Variants in HYDIN observed in about 807,000 individuals in gnomAD.
HYDIN encodes the protein axonemal central pair apparatus protein HYDIN.
HYDIN carries 132 observed loss-of-function variants against 403.9 expected under a neutral mutation model. The ratio of observed to expected loss-of-function variants is 0.33; its 90% CI spans 0.28 to 0.38. The LOEUF is 0.38. Ranked by LOEUF, HYDIN falls within the 10% of genes least tolerant of loss-of-function variation. The pLI, the probability that HYDIN is intolerant of heterozygous loss-of-function variation, is 1.00. For synonymous variants in HYDIN, 1,202 were observed against 1,891.7 expected (o/e 0.64, Z 9.46); for missense variants, 2,827 against 5,009.5 (o/e 0.56, Z 13.15).
At chr16:71,212,717 A>G (rs1420542815) in intron 1 of HYDIN, among the ~76,000 whole-genome samples, 3 of 151,530 alleles carry the variant, frequency 2.0e-5, no homozygotes, top group African/African-American at 4.9e-5. Flanking sequence ...CAAAGATCTG[A>G]TATCACTGAA....
chr16:71,087,018 A>G (rs1407336816), intron 12 of HYDIN, among the ~76,000 whole-genome samples: 1 of 151,244 alleles, frequency 6.6e-6, no homozygotes, highest in Non-Finnish European at 1.5e-5. Flanking sequence ...TTATTCAAAT[A>G]TTTGGAAAAC....
At chr16:71,102,037 C>A (rs1390589776) in intron 10 of HYDIN, among the ~76,000 whole-genome samples, 2 of 151,908 alleles carry the variant, frequency 1.3e-5, no homozygotes, top group Non-Finnish European at 2.9e-5. Flanking sequence ...GAGTGAATCT[C>A]AGCAAAACAA....
chr16:71,009,610 G>A (rs1389000489), intron 23 of HYDIN, among the ~76,000 whole-genome samples: 1 of 152,018 alleles, frequency 6.6e-6, no homozygotes, highest in Non-Finnish European at 1.5e-5. Context: ...ATGGCAAAAG[G>A]GACTTTGCAG....
At chr16:70,981,217 G>A (rs1361673388) in intron 29 of HYDIN, among the ~76,000 whole-genome samples, 174 bp downstream of exon 29, 1 of 152,224 alleles carries the variant, frequency 6.6e-6, no homozygotes, top group Non-Finnish European at 1.5e-5. Context: ...TGCCATAGAC[G>A]ATTTCTTGTC....
intron 18 of HYDIN, among the ~76,000 whole-genome samples, chr16:71,040,006 C>T (rs760054698): frequency 2.4e-4 from 37 of 152,038 alleles, no homozygotes; most frequent in East Asian, 1.6e-3. Context: ...TTGCAGGCAC[C>T]GCCCCCGCCC....
intron 60 of HYDIN, among the ~76,000 whole-genome samples, chr16:70,880,320 T>C (rs1460706537): frequency 2.1e-5 from 3 of 139,854 alleles, no homozygotes; most frequent in Non-Finnish European, 4.5e-5. Context: ...CGGCCTCCCA[T>C]AGTGCTGGGA....
Position 71,184,999 on chromosome 16 carries a change from TAA to T in HYDIN, c.136-11_136-10del. 1 of 1,579,942 alleles carries T rather than the reference TAA, an allele frequency of 6.3e-7. No homozygotes were observed. The highest frequency in any genetic ancestry group is 8.6e-7 in the Non-Finnish European group (1 of 1,160,068). On this transcript the variant is annotated splice_polypyrimidine_tract_variant and intron_variant, in intron 2 of 85. Transcript: ENST00000393567. The stretch of plus-strand genomic sequence containing the variant: ...AACTCTGAGGGTGTAAGCTAGAATG[TAA>T]AACAATAAGAACCAAAGATTCTTAA...
intron 48 of HYDIN, 23 bp downstream of exon 48, chr16:70,908,630 C>T (rs764498560): frequency 6.7e-7 from 1 of 1,491,948 alleles, no homozygotes; most frequent in Admixed American, 1.9e-5. Context: ...AGATTCCCCT[C>T]CCTGGGTTGC....
chr16:70,820,108 C>G (rs1188370276), intron 83 of HYDIN, among the ~76,000 whole-genome samples: 1 of 150,016 alleles, frequency 6.7e-6, no homozygotes, highest in Non-Finnish European at 1.5e-5. Flanking sequence ...GCTTGAGCCA[C>G]CGCGCCTGGC....
chr16:71,227,622 T>A lies in HYDIN; in HGVS notation c.-24+2940A>T, dbSNP rs186726976. On this transcript the variant is annotated intron_variant, in intron 1 of 85. Transcript: ENST00000393567. ...CACCTTACAAGGGATGTGAAGGAACTCTTCAAGGAGAAGTACAAACCACTG... is the reference window on the plus strand; with the variant it reads ...CACCTTACAAGGGATGTGAAGGAACACTTCAAGGAGAAGTACAAACCACTG... 3.3e-5 allele frequency among the ~76,000 whole-genome samples: 5 copies of A among 152,258 alleles called. No homozygotes were observed. The East Asian group carries it at 5.8e-4, about 18-fold the overall frequency.
Position 70,829,955 on chromosome 16 carries a change from G to A in HYDIN, c.13900-125C>T, listed in dbSNP as rs2036861743. On this transcript the variant is annotated intron_variant, in intron 80 of 85. Transcript: ENST00000393567. ...AGTGCTTCCCATCATGAGTTTCAGT[G>A]GGTCCGTTTCTTTTTCTTTCATTCA... is the stretch of plus-strand genomic sequence containing the variant. 5.0e-6 allele frequency: 4 copies of A among 798,584 alleles called. No homozygotes were observed. In the South Asian group the frequency reaches 6.9e-5, roughly 14 times the overall value. The allele number at this position is 798,584 out of a possible 1,614,324, so 49.5% of individuals were successfully genotyped here. A position where few individuals can be genotyped will look rare whatever the true frequency, so the allele number is the denominator to read the frequency against.
chr16:70,973,796 GA>G, intron 34 of HYDIN, 32 bp downstream of exon 34: 1 of 1,215,936 alleles, frequency 8.2e-7, no homozygotes, highest in Non-Finnish European at 1.1e-6. Context: ...TGGAGATGGA[GA>G]AAGGAGGACC....
At chr16:70,923,647 CAAAAA>C (rs57860871) in intron 45 of HYDIN, among the ~76,000 whole-genome samples, 1 of 69,310 alleles carries the variant, frequency 1.4e-5, no homozygotes, top group African/African-American at 6.3e-5. Context: ...CTAAAAAATA[CAAAAA>C]AAAAAAAAAA....
At chr16:71,212,934 T>G (rs1598044962) in intron 1 of HYDIN, among the ~76,000 whole-genome samples, 1 of 151,984 alleles carries the variant, frequency 6.6e-6, no homozygotes, top group South Asian at 2.1e-4. Context: ...AGAAAATTAC[T>G]AAAGGAGCCA....
At chr16:70,905,632 T>TAAAAA (rs10718035) in intron 50 of HYDIN, among the ~76,000 whole-genome samples, 1 of 99,548 alleles carries the variant, frequency 1.0e-5, no homozygotes, top group Non-Finnish European at 1.8e-5. Flanking sequence ...GACCCTATCT[T>TAAAAA]AAAAAAAAAA....
intron 18 of HYDIN, among the ~76,000 whole-genome samples, chr16:71,043,187 C>A (rs2144203358): frequency 6.7e-6 from 1 of 150,356 alleles, no homozygotes; most frequent in East Asian, 2.0e-4. Flanking sequence ...TTGGTTTTGA[C>A]CATGATTTTT....
intron 1 of HYDIN, among the ~76,000 whole-genome samples, chr16:71,224,047 T>C (rs1377246145): frequency 6.6e-6 from 1 of 152,210 alleles, no homozygotes; most frequent in Admixed American, 6.5e-5. Context: ...CCAACCTAAG[T>C]GCCCATTGAT....
intron 83 of HYDIN, among the ~76,000 whole-genome samples, chr16:70,821,169 T>TCCA (rs1361754991): frequency 2.0e-5 from 3 of 152,206 alleles, no homozygotes; most frequent in African/African-American, 7.2e-5. Flanking sequence ...CATAAGAACA[T>TCCA]CCACCTTAGA....
At chr16:71,009,044 C>T (rs1272395948) in intron 23 of HYDIN, among the ~76,000 whole-genome samples, 28 of 138,690 alleles carry the variant, frequency 2.0e-4, no homozygotes, top group African/African-American at 6.8e-4. Context: ...CTCTGACATT[C>T]AGCCTGGCTC....
Sources: gnomAD v4.1 joint callset for allele counts (sites outside exome capture counted in the v4.1 genomes callset) on GRCh38, gnomAD v4.1.1 for gene constraint, MANE v1.5 for transcripts, NCBI Gene and HGNC (gene_info 2026-07-23, HGNC 2026-07-21) for gene names.